The following CHSY1 variants were observed in gnomAD, a reference collection of about 807,000 sequenced individuals.
CHSY1 encodes the protein chondroitin sulfate synthase 1.
Under a neutral mutation model 59.8 loss-of-function variants are expected in CHSY1, and 13 were observed. The ratio of observed to expected loss-of-function variants is 0.22; its 90% CI spans 0.14 to 0.35. CHSY1 has a LOEUF of 0.35. Among genes scored for constraint, CHSY1 ranks in the 10% least tolerant of loss-of-function variants. The pLI is 1.00. For synonymous variants in CHSY1, 459 were observed against 401.2 expected, an observed-to-expected ratio of 1.14 and a Z score of -1.72; for missense variants, 947 against 1,030.6, an observed-to-expected ratio of 0.92 and a Z score of 1.11.
rs756747714 is a variant in CHSY1, at chr15:101,178,539, C to T, written c.1258G>A (p.Ala420Thr). 9 of 1,614,234 alleles carry T rather than the reference C, an allele frequency of 5.6e-6. No individual in the cohort carries two copies. The highest frequency in any genetic ancestry group is 4.4e-5 in the South Asian group (4 of 91,086). Residue 420 changes from alanine to threonine, a missense_variant, in exon 3 of 3, where the codon GCC becomes ACC. Physicochemically the swap from Ala to Thr is moderately conservative, Grantham distance 58. Coordinates refer to ENST00000254190, the MANE Select transcript of CHSY1 (RefSeq NM_014918.5). ...MQVMEMINAN[A>T]KTRGRIIDFK... is the part of the protein sequence containing the mutation. ...TCAATGATGCGCCCTCTGGTCTTGG[C>T]GTTGGCATTGATCATCTCCATGACC...
intron 1 of CHSY1, among the ~76,000 whole-genome samples, chr15:101,238,302 T>G (rs1596453948): frequency 6.6e-6 from 1 of 152,250 alleles, no homozygotes; most frequent in African/African-American, 2.4e-5. Flanking sequence ...ATATTTACTT[T>G]TGTAATTTTA....
rs571986801 is a variant in CHSY1 at position 101,246,209 on chromosome 15, C to T, written c.320+4928G>A. Among the ~76,000 whole-genome samples the T allele has an allele frequency of 2.6e-5, 4 of 152,288 alleles. No homozygotes were observed. In the South Asian group the frequency reaches 8.3e-4, roughly 32 times the overall value. ...CTTGGCGCAAAGAAGGGAAACCATCCACCTCTTTCTTCTGACAACATAAAA... is the reference window on the plus strand; with the variant it reads ...CTTGGCGCAAAGAAGGGAAACCATCTACCTCTTTCTTCTGACAACATAAAA... On this transcript the variant is annotated intron_variant, in intron 1 of 2. Coordinates refer to ENST00000254190, the MANE Select transcript of CHSY1 (RefSeq NM_014918.5).
intron 2 of CHSY1, 144 bp downstream of exon 2, chr15:101,234,938 T>G: frequency 9.2e-7 from 1 of 1,081,218 alleles, no homozygotes; most frequent in South Asian, 1.4e-5. Flanking sequence ...GAATTTTTTT[T>G]TTAATCTAAG....
chr15:101,210,522 CTA>C (rs1017755507), intron 2 of CHSY1, among the ~76,000 whole-genome samples: 13 of 152,106 alleles, frequency 8.5e-5, no homozygotes, highest in African/African-American at 3.1e-4. Context: ...AAACTAGAAT[CTA>C]AGTTGTGATT....
In CHSY1 at chr15:101,205,726, T is replaced by C. The variant is rs142582537; in HGVS notation, c.817-26746A>G. On this transcript the variant is annotated intron_variant, in intron 2 of 2. Transcript: ENST00000254190. ...CAGTACTTTGGGAGGCTGAGGTGGG[T>C]GGATCACGAGATCAGGAGATCGAGA... Among the ~76,000 whole-genome samples the C allele has an allele frequency of 6.9e-3, 1,044 of 152,124 alleles. 12 individuals carry two copies. The highest frequency in any genetic ancestry group is 0.024 in the African/African-American group (989 of 41,502).
At chr15:101,181,786 T>C (rs2038282619) in intron 2 of CHSY1, among the ~76,000 whole-genome samples, 2 of 152,102 alleles carry the variant, frequency 1.3e-5, no homozygotes, top group African/African-American at 4.8e-5. Flanking sequence ...TTGAACGACG[T>C]GGGGGTTAGG....
chr15:101,248,398 G>C (rs749087905), intron 1 of CHSY1, among the ~76,000 whole-genome samples: 5 of 152,218 alleles, frequency 3.3e-5, no homozygotes, highest in Non-Finnish European at 7.3e-5. Context: ...GCAGGCAAGA[G>C]GCAAAGGACC....
intron 2 of CHSY1, among the ~76,000 whole-genome samples, chr15:101,199,570 G>A (rs555232342): frequency 2.6e-5 from 4 of 152,108 alleles, no homozygotes; most frequent in African/African-American, 9.7e-5. Flanking sequence ...GACTGGTTGC[G>A]CAACTTACAT....
intron 2 of CHSY1, among the ~76,000 whole-genome samples, chr15:101,182,631 T>TA (rs1188617934): frequency 6.6e-6 from 1 of 152,206 alleles, no homozygotes; most frequent in Non-Finnish European, 1.5e-5. Context: ...CCTGCCCTCA[T>TA]ATCCCACTTG....
At chr15:101,185,684 T>G (rs1342070832) in intron 2 of CHSY1, among the ~76,000 whole-genome samples, 1 of 149,196 alleles carries the variant, frequency 6.7e-6, no homozygotes, top group African/African-American at 2.5e-5. Flanking sequence ...CCCTGCAATG[T>G]TCTCCTCGAA....
rs181084543 is a variant in CHSY1, at chr15:101,231,307, A to T, written c.816+3775T>A. Among the ~76,000 whole-genome samples, 408 of 152,336 alleles carry T rather than the reference A, an allele frequency of 2.7e-3. 2 individuals carry two copies. Among genetic ancestry groups the T allele is most frequent in the Non-Finnish European group, 4.3e-3 (290 of 68,026 alleles). On this transcript the variant is annotated intron_variant, in intron 2 of 2. Transcript: ENST00000254190. ...AAATGGGAAATCTTCCAAGACATAG[A>T]TGGTAGGTATTACGCTACCATTCAT...
intron 2 of CHSY1, among the ~76,000 whole-genome samples, chr15:101,206,932 G>A (rs2038633020): frequency 6.6e-6 from 1 of 152,160 alleles, no homozygotes; most frequent in Admixed American, 6.5e-5. Context: ...CAGACCTCAG[G>A]TAAAATTAAT....
intron 2 of CHSY1, chr15:101,189,436 G>A: frequency 4.1e-6 from 4 of 985,586 alleles, no homozygotes; most frequent in Non-Finnish European, 4.8e-6. Context: ...ACAGGGACAA[G>A]GTGGATGTAA....
intron 2 of CHSY1, among the ~76,000 whole-genome samples, chr15:101,206,518 C>T (rs59514135): frequency 0.032 from 4,853 of 152,102 alleles, 108 homozygotes; most frequent in East Asian, 0.074. Flanking sequence ...ATCCGTTTCC[C>T]ATGAAAACAC....
In CHSY1 at chr15:101,251,983, CGCCGGCGGCGA is replaced by C. The variant is rs1456149263; in HGVS notation, c.-538_-528del. ...CGCACGGCGCGTTATGAAGTGGCCC[CGCCGGCGGCGA>C]GCCGTGGCCCCTCTCGGGATCCGTC... is the stretch of plus-strand genomic sequence containing the variant. On this transcript the variant is annotated 5_prime_UTR_variant, in exon 1 of 3. Transcript: ENST00000254190. The C allele has an allele frequency of 6.6e-6, 1 of 151,132 alleles. No individual in the cohort carries two copies. The highest frequency in any genetic ancestry group is 1.9e-4 in the East Asian group (1 of 5,172). 9.4% of individuals were successfully genotyped at this position (151,132 alleles called of 1,614,324 possible). A position where few individuals can be genotyped will look rare whatever the true frequency, so the allele number is the denominator to read the frequency against.
Position 101,176,752 on chromosome 15 carries a change from C to T in CHSY1, c.*636G>A, listed in dbSNP as rs761623559. 2.0e-5 allele frequency: 4 copies of T among 204,984 alleles called. No individual in the cohort carries two copies. Among genetic ancestry groups the T allele is most frequent in the Non-Finnish European group, 3.9e-5 (4 of 103,784 alleles). 12.7% of individuals were successfully genotyped at this position (204,984 alleles called of 1,614,324 possible). ...TGGAGGTTAAAGTGAGCCAAGATTG[C>T]GCCACTGCATTCCAGCCTGGGTAAC... On this transcript the variant is annotated 3_prime_UTR_variant, in exon 3 of 3. Coordinates refer to ENST00000254190, the MANE Select transcript of CHSY1 (RefSeq NM_014918.5).
At chr15:101,179,385 T>A (rs1240585883) in intron 2 of CHSY1, among the ~76,000 whole-genome samples, 2 of 152,156 alleles carry the variant, frequency 1.3e-5, no homozygotes, top group Non-Finnish European at 2.9e-5. Flanking sequence ...ATCCTGCGGC[T>A]TCTATCTGTG....
At chr15:101,243,700 T>C (rs1054217225) in intron 1 of CHSY1, among the ~76,000 whole-genome samples, 1 of 152,224 alleles carries the variant, frequency 6.6e-6, no homozygotes, top group Admixed American at 6.5e-5. Context: ...CCAGCATGCA[T>C]GGCTTGGCGA....
chr15:101,177,758 G>A lies in CHSY1; in HGVS notation c.2039C>T (p.Ala680Val), dbSNP rs753396162. The change falls in exon 3 of 3, where the codon GCC (alanine) becomes GTC (valine). Residue 680 changes from alanine to valine, a missense_variant. Around this residue, in one of 4 missense-constraint regions of CHSY1, gnomAD observed 602 missense variants for 676.9 expected, o/e 0.89. Coordinates refer to ENST00000254190, the MANE Select transcript of CHSY1 (RefSeq NM_014918.5). Reference sequence around the variant, plus strand: ...CCAGAAGCCAGTTTTCTGAGTAAAGGCAAAATGGTTGTCACTGGGAACTTT... The same window carrying A: ...CCAGAAGCCAGTTTTCTGAGTAAAGACAAAATGGTTGTCACTGGGAACTTT... ...SGKVPSDNHF[A>V]FTQKTGFWRN... 9 of 1,614,180 alleles carry A rather than the reference G, an allele frequency of 5.6e-6. No individual in the cohort carries two copies. The highest frequency in any genetic ancestry group is 6.8e-6 in the Non-Finnish European group (8 of 1,180,022).
Sources: allele counts gnomAD v4.1 joint callset (sites outside exome capture counted in the v4.1 genomes callset), GRCh38; gene constraint gnomAD v4.1.1; regional missense constraint gnomAD v4.1.1; transcripts MANE v1.5; gene names NCBI Gene and HGNC (gene_info 2026-07-23, HGNC 2026-07-21).